LRIG1: variants seen among roughly 807,000 people sequenced by gnomAD.
LRIG1 encodes the protein leucine rich repeats and immunoglobulin like domains 1.
A neutral mutation model predicts 99.2 loss-of-function variants in LRIG1; 48 were observed. The ratio of observed to expected loss-of-function variants is 0.48; its 90% CI spans 0.38 to 0.62. The LOEUF is 0.62. LRIG1 is among the 20% of genes least tolerant of loss of function. The pLI is 0.00. For synonymous variants in LRIG1, 772 were observed against 596.1 expected, an observed-to-expected ratio of 1.29 and a Z score of -4.30; for missense variants, 1,646 against 1,434.4, an observed-to-expected ratio of 1.15 and a Z score of -2.38.
At chr3:66,431,593 C>T (rs1017195238) in intron 3 of LRIG1, among the ~76,000 whole-genome samples, 21 of 152,210 alleles carry the variant, frequency 1.4e-4, no homozygotes, top group African/African-American at 4.8e-4. Flanking sequence ...TCCACAGGGA[C>T]TGGTCAGCAA....
intron 3 of LRIG1, among the ~76,000 whole-genome samples, chr3:66,418,377 G>A (rs773243110): frequency 6.6e-6 from 1 of 152,212 alleles, no homozygotes; most frequent in Non-Finnish European, 1.5e-5. Flanking sequence ...ACAGGCGTGA[G>A]CCACCACAGC....
chr3:66,433,108 A>G (rs954994818), intron 3 of LRIG1, among the ~76,000 whole-genome samples: 3 of 152,174 alleles, frequency 2.0e-5, no homozygotes, highest in Non-Finnish European at 1.5e-5. Flanking sequence ...TTCCTCAGGC[A>G]GTAAGTATAA....
intron 1 of LRIG1, among the ~76,000 whole-genome samples, chr3:66,467,357 A>ATTTTT (rs11360909): frequency 1.0e-5 from 1 of 99,948 alleles, no homozygotes; most frequent in Admixed American, 1.0e-4. Flanking sequence ...CACACTAGCT[A>ATTTTT]TTTTTTTTTT....
intron 6 of LRIG1, among the ~76,000 whole-genome samples, chr3:66,411,067 T>C (rs1298529307): frequency 6.6e-6 from 1 of 152,194 alleles, no homozygotes; most frequent in East Asian, 1.9e-4. Context: ...ATGGGGTCAC[T>C]ATAAGAAGGA....
At chr3:66,381,457 TC>T in intron 17 of LRIG1, 21 bp downstream of exon 17, 2 of 1,599,680 alleles carry the variant, frequency 1.3e-6, no homozygotes. Flanking sequence ...AGAAACTACT[TC>T]CAATGGGAAG....
intron 1 of LRIG1, among the ~76,000 whole-genome samples, chr3:66,489,629 A>T (rs1294313495): frequency 1.3e-5 from 2 of 152,158 alleles, no homozygotes. Flanking sequence ...CATCCAATGA[A>T]ATATAAGTTT....
At chr3:66,480,773 T>C (rs1286806067) in intron 1 of LRIG1, among the ~76,000 whole-genome samples, 2 of 152,210 alleles carry the variant, frequency 1.3e-5, no homozygotes, top group Middle Eastern at 3.2e-3. Context: ...ATTTCTTTTC[T>C]TCCTTTGAGA....
Position 66,450,448 on chromosome 3 carries a change from G to T in LRIG1, c.365+1111C>A, listed in dbSNP as rs773232135. ...AGGGAAACGAGGTTCAGAGAGACTA[G>T]GTCATCTGTCCAGGGCACAGAGTGA... is the stretch of plus-strand genomic sequence containing the variant. On this transcript the variant is annotated intron_variant, in intron 3 of 18. Transcript: ENST00000273261. 8.7e-4 allele frequency among the ~76,000 whole-genome samples: 133 copies of T among 152,150 alleles called. 1 individual carries two copies. The highest frequency in any genetic ancestry group is 7.6e-4 in the Non-Finnish European group (52 of 68,024).
chr3:66,498,602 A>G (rs1701280951), intron 1 of LRIG1, among the ~76,000 whole-genome samples: 1 of 152,092 alleles, frequency 6.6e-6, no homozygotes, highest in Non-Finnish European at 1.5e-5. Flanking sequence ...TAAGGGAAAA[A>G]TCACAATACC....
At chr3:66,385,375 G>A (rs910861816) in intron 13 of LRIG1, among the ~76,000 whole-genome samples, 9 of 152,198 alleles carry the variant, frequency 5.9e-5, no homozygotes, top group Non-Finnish European at 1.0e-4. Flanking sequence ...TTTGGAATTT[G>A]GAAGCCAGAT....
rs553564972 is a variant in LRIG1, at chr3:66,443,369, G to T, written c.365+8190C>A. Among the ~76,000 whole-genome samples the T allele has an allele frequency of 1.0e-4, 15 of 148,012 alleles. No homozygotes were observed. In the South Asian group the frequency reaches 2.6e-3, roughly 26 times the overall value. Reference sequence around the variant, plus strand: ...TGAGGGGGCGGGGGATGAGTGAGGGGGTGTGTGTGTGCACAAATTGGCCTA... The same window carrying T: ...TGAGGGGGCGGGGGATGAGTGAGGGTGTGTGTGTGTGCACAAATTGGCCTA... On this transcript the variant is annotated intron_variant, in intron 3 of 18. Coordinates refer to ENST00000273261, the MANE Select transcript of LRIG1 (RefSeq NM_015541.3).
intron 13 of LRIG1, 40 bp downstream of exon 13, chr3:66,385,941 G>T: frequency 1.3e-6 from 2 of 1,564,854 alleles, no homozygotes; most frequent in Non-Finnish European, 8.7e-7. Context: ...AGTGTGCTTT[G>T]TAGGATTCTG....
At chr3:66,425,098 A>T (rs1427099138) in intron 3 of LRIG1, among the ~76,000 whole-genome samples, 1 of 152,248 alleles carries the variant, frequency 6.6e-6, no homozygotes, top group Non-Finnish European at 1.5e-5. Context: ...ATTGAGGCTC[A>T]GAAGTCTGCT....
intron 3 of LRIG1, among the ~76,000 whole-genome samples, chr3:66,449,810 A>C (rs1703842670): frequency 6.6e-6 from 1 of 152,174 alleles, no homozygotes; most frequent in African/African-American, 2.4e-5. Context: ...TAGCTTCCTC[A>C]CTATGTGAGG....
chr3:66,387,236 GGT>G (rs915222138), intron 12 of LRIG1: 1 of 151,924 alleles, frequency 6.6e-6, no homozygotes, highest in Non-Finnish European at 1.5e-5. Context: ...CAGTGTTAAT[GGT>G]GGGCTTTGAA....
At chr3:66,438,914 C>T (rs547520794) in intron 3 of LRIG1, among the ~76,000 whole-genome samples, 2 of 152,202 alleles carry the variant, frequency 1.3e-5, no homozygotes, top group African/African-American at 2.4e-5. Context: ...CACATCTCTG[C>T]CATATCACCA....
chr3:66,460,618 A>C (rs1700334560), intron 2 of LRIG1, among the ~76,000 whole-genome samples: 3 of 152,194 alleles, frequency 2.0e-5, no homozygotes. Context: ...CTCGGAAGAA[A>C]CCAAACCTGC....
At chr3:66,479,038 C>A (rs540489746) in intron 1 of LRIG1, among the ~76,000 whole-genome samples, 1 of 152,310 alleles carries the variant, frequency 6.6e-6, no homozygotes, top group Admixed American at 6.5e-5. Context: ...CCTGCAGCCG[C>A]CCAAGTTCAA....
At chr3:66,417,465 G>C in intron 3 of LRIG1, 199 bp from the exon 4 acceptor site, 1 of 603,154 alleles carries the variant, frequency 1.7e-6, no homozygotes, top group Non-Finnish European at 2.9e-6. Flanking sequence ...TTCAATCTGG[G>C]ACAAGTTTAT....
Sources: allele counts gnomAD v4.1 joint callset (sites outside exome capture counted in the v4.1 genomes callset), GRCh38; gene constraint gnomAD v4.1.1; transcripts MANE v1.5; gene names NCBI Gene and HGNC (gene_info 2026-07-23, HGNC 2026-07-21).